PHACTR1: variants seen among roughly 807,000 people sequenced by gnomAD.
The protein encoded by PHACTR1 is RPEL repeat containing 1.
A neutral mutation model predicts 69.2 loss-of-function variants in PHACTR1; 16 were observed. That is an observed-to-expected ratio of 0.23 (90% CI 0.16 to 0.35). The LOEUF (loss-of-function observed/expected upper bound fraction) is 0.35, where lower values mean the gene tolerates loss of function less well. PHACTR1 is among the 10% of genes least tolerant of loss of function. The pLI is 1.00. For synonymous variants in PHACTR1, 312 were observed against 284.5 expected, an observed-to-expected ratio of 1.10 and a Z score of -0.97; for missense variants, 510 against 734.7, an observed-to-expected ratio of 0.69 and a Z score of 3.54.
At chr6:13,273,327 C>G (rs1171363332) in intron 11 of PHACTR1, 4 of 166,656 alleles carry the variant, frequency 2.4e-5, no homozygotes, top group Non-Finnish European at 5.2e-5. Flanking sequence ...GAAAGCATGA[C>G]TTTGCATTGC....
intron 5 of PHACTR1, among the ~76,000 whole-genome samples, chr6:13,135,896 G>A (rs1246952317): frequency 2.6e-5 from 4 of 151,626 alleles, no homozygotes; most frequent in East Asian, 1.9e-4. Context: ...AAATAAAAAT[G>A]TATTTGAAAT....
intron 4 of PHACTR1, among the ~76,000 whole-genome samples, chr6:12,904,784 TC>T (rs986143072): frequency 6.6e-6 from 1 of 152,140 alleles, no homozygotes; most frequent in African/African-American, 2.4e-5. Flanking sequence ...AAGGGCACGG[TC>T]TGACTTCTGA....
intron 4 of PHACTR1, among the ~76,000 whole-genome samples, chr6:12,850,985 G>A (rs558197026): frequency 3.6e-4 from 55 of 152,188 alleles, no homozygotes; most frequent in African/African-American, 1.3e-3. Flanking sequence ...CTTGGGGTGG[G>A]GGACATAATT....
intron 7 of PHACTR1, among the ~76,000 whole-genome samples, chr6:13,196,037 C>T (rs531675566): frequency 6.6e-6 from 1 of 152,178 alleles, no homozygotes; most frequent in East Asian, 1.9e-4. Context: ...TTGCTTCTTC[C>T]ACTCCATCAA....
intron 4 of PHACTR1, among the ~76,000 whole-genome samples, chr6:12,973,856 C>A (rs1794525444): frequency 6.6e-6 from 1 of 150,976 alleles, no homozygotes; most frequent in African/African-American, 2.4e-5. Flanking sequence ...GGAGAACTAA[C>A]CATCTTTAAA....
chr6:13,163,566 C>T (rs979176583), intron 6 of PHACTR1, among the ~76,000 whole-genome samples: 7 of 152,224 alleles, frequency 4.6e-5, no homozygotes, highest in Admixed American at 3.3e-4. Flanking sequence ...ATGAAAACTT[C>T]GTTGCACATA....
intron 7 of PHACTR1, among the ~76,000 whole-genome samples, chr6:13,192,627 T>C (rs1474827526): frequency 6.6e-6 from 1 of 152,218 alleles, no homozygotes; most frequent in Non-Finnish European, 1.5e-5. Flanking sequence ...AGATGGACAG[T>C]AATGCTGTTC....
At chr6:13,003,065 G>T (rs1248873860) in intron 4 of PHACTR1, among the ~76,000 whole-genome samples, 1 of 152,084 alleles carries the variant, frequency 6.6e-6, no homozygotes, top group Non-Finnish European at 1.5e-5. Context: ...TGAAATCAGA[G>T]GATTTTAACC....
At chr6:12,799,570 T>C (rs1011969233) in intron 4 of PHACTR1, among the ~76,000 whole-genome samples, 4 of 152,236 alleles carry the variant, frequency 2.6e-5, no homozygotes, top group African/African-American at 4.8e-5. Context: ...ACATTTCTTT[T>C]GGGTTGGACA....
At chr6:13,277,536 C>T (rs192044421) in intron 11 of PHACTR1, among the ~76,000 whole-genome samples, 3 of 152,294 alleles carry the variant, frequency 2.0e-5, no homozygotes, top group African/African-American at 7.2e-5. Flanking sequence ...GACTATACCA[C>T]AATGAGCCTC....
intron 5 of PHACTR1, among the ~76,000 whole-genome samples, chr6:13,141,217 T>C (rs1267248811): frequency 6.6e-6 from 1 of 152,204 alleles, no homozygotes; most frequent in Non-Finnish European, 1.5e-5. Flanking sequence ...GCCAAGATTG[T>C]ACTAAGAAGC....
intron 12 of PHACTR1, chr6:13,281,033 G>A (rs1780065709): frequency 7.8e-7 from 1 of 1,289,524 alleles, no homozygotes; most frequent in Non-Finnish European, 1.0e-6. Context: ...CATTCCCTCT[G>A]AGCACTTGTG....
chr6:13,159,612 C>T (rs1362653411), intron 5 of PHACTR1, among the ~76,000 whole-genome samples: 1 of 152,144 alleles, frequency 6.6e-6, no homozygotes, highest in Non-Finnish European at 1.5e-5. Context: ...TTCTGTGCTA[C>T]AGGTTCAACC....
intron 14 of PHACTR1, among the ~76,000 whole-genome samples, chr6:13,286,675 G>A (rs1249224642): frequency 3.9e-5 from 6 of 152,242 alleles, no homozygotes; most frequent in African/African-American, 9.6e-5. Flanking sequence ...TGGGAAAACC[G>A]AGGCATGGAG....
Position 13,283,411 on chromosome 6 carries a change from C to T in PHACTR1, c.1510-11C>T. The T allele has an allele frequency of 3.1e-6, 5 of 1,613,114 alleles. No homozygotes were observed. The highest frequency in any genetic ancestry group is 4.2e-6 in the Non-Finnish European group (5 of 1,179,666). On this transcript the variant is annotated splice_polypyrimidine_tract_variant and intron_variant, in intron 12 of 14. Coordinates refer to ENST00000332995, the MANE Select transcript of PHACTR1 (RefSeq NM_030948.6). This position sits in a 1 kb window ranked among gnomAD's most constrained non-coding sequence, Gnocchi z 4.7. ...CTGGCTGACTGGGTCCATCTCTCTC[C>T]CTCCCTGCAGCTCAGTCAAAGGCCC...
intron 4 of PHACTR1, among the ~76,000 whole-genome samples, chr6:12,860,805 G>T (rs1780865815): frequency 6.6e-6 from 1 of 152,182 alleles, no homozygotes; most frequent in Non-Finnish European, 1.5e-5. Context: ...CTTTTGAAAA[G>T]TGTCTGTTCA....
At chr6:13,174,025 G>C (rs886561553) in intron 6 of PHACTR1, among the ~76,000 whole-genome samples, 1 of 151,258 alleles carries the variant, frequency 6.6e-6, no homozygotes, top group Middle Eastern at 3.2e-3. Flanking sequence ...CCCTTAATGA[G>C]TGGATTTTTT....
intron 10 of PHACTR1, among the ~76,000 whole-genome samples, chr6:13,234,780 T>C (rs1194095202): frequency 1.3e-5 from 2 of 152,186 alleles, no homozygotes; most frequent in African/African-American, 4.8e-5. Flanking sequence ...TTCAGTCCAC[T>C]GCCATTGGAG....
chr6:13,269,491 C>T (rs962652200), intron 10 of PHACTR1, among the ~76,000 whole-genome samples: 4 of 152,168 alleles, frequency 2.6e-5, no homozygotes, highest in African/African-American at 4.8e-5. Context: ...ACAGCTGGCC[C>T]TTGTCAATGG....
Sources: gnomAD v4.1 joint callset for allele counts (sites outside exome capture counted in the v4.1 genomes callset) on GRCh38, gnomAD v4.1.1 for gene constraint, Gnocchi (gnomAD v3.1) non-coding constraint, MANE v1.5 for transcripts, NCBI Gene and HGNC (gene_info 2026-07-23, HGNC 2026-07-21) for gene names.